ZNF521: variants seen among roughly 807,000 people sequenced by gnomAD.
ZNF521 encodes zinc finger protein 521.
ZNF521 carries 14 observed loss-of-function variants against 105.5 expected under a neutral mutation model. The observed-to-expected ratio is 0.13, with a 90% CI of 0.09 to 0.21. ZNF521 has a LOEUF of 0.21. ZNF521 is among the 10% of genes least tolerant of loss of function. ZNF521 has a pLI of 1.00. For missense variants in ZNF521, 1,233 were observed against 1,629.7 expected, an observed-to-expected ratio of 0.76 and a Z score of 4.19; for synonymous variants, 635 against 606.0, an observed-to-expected ratio of 1.05 and a Z score of -0.70.
intron 3 of ZNF521, among the ~76,000 whole-genome samples, chr18:25,274,346 G>A (rs955816461): frequency 1.3e-5 from 2 of 152,234 alleles, no homozygotes; most frequent in East Asian, 1.9e-4. Context: ...ACCAGAAGGC[G>A]GTCTCTTCTA....
rs578209354 is a variant in ZNF521, at chr18:25,220,540, C to G, written c.3573+3805G>C. 1.3e-4 allele frequency among the ~76,000 whole-genome samples: 20 copies of G among 152,288 alleles called. No homozygotes were observed. The East Asian group carries it at 3.5e-3, about 26-fold the overall frequency. On this transcript the variant is annotated intron_variant, in intron 4 of 7. Transcript: ENST00000361524. Reference sequence around the variant, plus strand: ...TACTGGCTGTGTGATCTTAGACAATCCTCTATTTACCCGCCCCTGTTTTCT... The same window carrying G: ...TACTGGCTGTGTGATCTTAGACAATGCTCTATTTACCCGCCCCTGTTTTCT...
intron 2 of ZNF521, among the ~76,000 whole-genome samples, chr18:25,337,150 C>T (rs546946398): frequency 5.5e-4 from 84 of 152,262 alleles, no homozygotes; most frequent in Non-Finnish European, 1.0e-3. Flanking sequence ...AAATATTCTG[C>T]GAGGTTGGGG....
intron 5 of ZNF521, among the ~76,000 whole-genome samples, chr18:25,125,555 A>G (rs1051732939): frequency 1.3e-5 from 2 of 151,780 alleles, no homozygotes; most frequent in African/African-American, 4.8e-5. Flanking sequence ...TGTATTAAAC[A>G]AGTTTGATTA....
chr18:25,255,942 A>G (rs1050384088), intron 3 of ZNF521, among the ~76,000 whole-genome samples: 2 of 148,362 alleles, frequency 1.3e-5, no homozygotes, highest in African/African-American at 5.0e-5. Context: ...GTGTATATAT[A>G]TGGCATATAT....
intron 3 of ZNF521, among the ~76,000 whole-genome samples, chr18:25,301,443 T>A (rs1164381168): frequency 6.6e-6 from 1 of 152,036 alleles, no homozygotes; most frequent in Non-Finnish European, 1.5e-5. Context: ...AAAACTAAAG[T>A]TTTTTAAAAA....
At chr18:25,129,005 A>G (rs567003175) in intron 5 of ZNF521, among the ~76,000 whole-genome samples, 1 of 152,032 alleles carries the variant, frequency 6.6e-6, no homozygotes, top group East Asian at 1.9e-4. Context: ...AATGATACTG[A>G]AGAAGAGCAA....
intron 5 of ZNF521, among the ~76,000 whole-genome samples, chr18:25,164,148 C>G (rs553733542): frequency 5.3e-5 from 8 of 152,176 alleles, no homozygotes; most frequent in African/African-American, 1.2e-4. Context: ...GTATCCCCCC[C>G]ACTTCCCTGC....
intron 3 of ZNF521, among the ~76,000 whole-genome samples, chr18:25,294,776 A>G (rs1600269747): frequency 7.2e-6 from 1 of 138,848 alleles, no homozygotes; most frequent in Admixed American, 8.1e-5. Flanking sequence ...AATCGCTTGA[A>G]CCCAGGAGGC....
chr18:25,302,700 G>A (rs1011939619), intron 3 of ZNF521: 6 of 152,008 alleles, frequency 3.9e-5, no homozygotes, highest in African/African-American at 1.4e-4. Flanking sequence ...GAATGAAGGT[G>A]GATAAAGCAC....
chr18:25,073,599 G>A (rs757761058), intron 7 of ZNF521, among the ~76,000 whole-genome samples: 3 of 152,196 alleles, frequency 2.0e-5, no homozygotes, highest in Non-Finnish European at 2.9e-5. Context: ...GAGAAGCACA[G>A]GGCGTTGTAA....
chr18:25,346,933 T>C (rs371445891), intron 2 of ZNF521, among the ~76,000 whole-genome samples: 1 of 152,228 alleles, frequency 6.6e-6, no homozygotes, highest in East Asian at 1.9e-4. Context: ...TGGCTCTTAC[T>C]GAATATATCA....
intron 2 of ZNF521, 140 bp downstream of exon 2, chr18:25,350,767 G>A (rs569208464): frequency 1.1e-4 from 84 of 781,610 alleles, no homozygotes; most frequent in Non-Finnish European, 1.6e-4. Flanking sequence ...GGGGCTCAGC[G>A]GGGAGGGGAG....
At position 25,317,824 on chromosome 18, in the gene ZNF521, T is replaced by C. The variant is rs537213760; in HGVS notation, c.220+4184A>G. Among the ~76,000 whole-genome samples, 176 of 152,220 alleles carry C rather than the reference T, an allele frequency of 1.2e-3. 2 individuals carry two copies. The Middle Eastern group carries it at 0.014, about 12-fold the overall frequency. On this transcript the variant is annotated intron_variant, in intron 3 of 7. Coordinates refer to ENST00000361524, the MANE Select transcript of ZNF521 (RefSeq NM_015461.3). ...ACAGAATGTCAAAATTAAAGACGGA[T>C]AATATAAATGTTAGCAAGTACGTAC...
chr18:25,260,933 A>G (rs1908865676), intron 3 of ZNF521, among the ~76,000 whole-genome samples: 3 of 152,166 alleles, frequency 2.0e-5, no homozygotes, highest in Admixed American at 2.0e-4. Context: ...TCTTTCTTAA[A>G]ATTAAGGCAC....
chr18:25,252,115 T>C (rs1247043121), intron 3 of ZNF521, among the ~76,000 whole-genome samples: 3 of 152,202 alleles, frequency 2.0e-5, no homozygotes, highest in Admixed American at 6.5e-5. Flanking sequence ...ATAGCTTTTG[T>C]ATAGCATTAG....
chr18:25,205,775 A>T (rs2036067933), intron 4 of ZNF521, among the ~76,000 whole-genome samples: 1 of 152,196 alleles, frequency 6.6e-6, no homozygotes, highest in African/African-American at 2.4e-5. Flanking sequence ...TTCTGTCCTA[A>T]AACAAATTAG....
chr18:25,143,951 C>T (rs2034897617), intron 5 of ZNF521, among the ~76,000 whole-genome samples: 2 of 152,168 alleles, frequency 1.3e-5, no homozygotes, highest in South Asian at 4.1e-4. Context: ...GAATCCTTTG[C>T]TTTGTTTCAG....
intron 3 of ZNF521, among the ~76,000 whole-genome samples, chr18:25,272,766 T>C (rs1198245983): frequency 1.3e-5 from 2 of 151,498 alleles, no homozygotes; most frequent in African/African-American, 2.4e-5. Context: ...CTGTTGTGGG[T>C]TGGGGGGTTG....
In ZNF521 at chr18:25,113,089, C is replaced by T. The variant is rs540350210; in HGVS notation, c.3659-21008G>A. Among the ~76,000 whole-genome samples the T allele has an allele frequency of 1.3e-4, 20 of 151,150 alleles. No homozygotes were observed. In the South Asian group the frequency reaches 3.3e-3, roughly 25 times the overall value. On this transcript the variant is annotated intron_variant, in intron 5 of 7. Coordinates refer to ENST00000361524, the MANE Select transcript of ZNF521 (RefSeq NM_015461.3). ...GGCATAGGGGAAAGGGCCTGATTTG[C>T]AGTTATGGAGGCTGGATCGCACTGG...
Sources: allele counts gnomAD v4.1 joint callset (sites outside exome capture counted in the v4.1 genomes callset), GRCh38; gene constraint gnomAD v4.1.1; transcripts MANE v1.5; gene names NCBI Gene and HGNC (gene_info 2026-07-23, HGNC 2026-07-21).